The following PPP2R5A variants were observed in gnomAD, a reference collection of about 807,000 sequenced individuals.
PPP2R5A encodes protein phosphatase 2 regulatory subunit B'alpha, also known as serine/threonine-protein phosphatase 2A 56 kDa regulatory subunit alpha isoform.
In PPP2R5A, 25 loss-of-function variants were observed where a neutral mutation model predicts 64.2. The ratio of observed to expected loss-of-function variants is 0.39; its 90% CI spans 0.28 to 0.54. PPP2R5A has a LOEUF of 0.54. Among genes scored for constraint, PPP2R5A ranks in the 20% least tolerant of loss-of-function variants. The pLI is 0.67. For missense variants in PPP2R5A, 425 were observed against 576.3 expected (o/e 0.74, Z 2.69); for synonymous variants, 198 against 201.2 (o/e 0.98, Z 0.13).
chr1:212,320,105 T>C (rs1024324535), intron 1 of PPP2R5A, among the ~76,000 whole-genome samples: 1 of 151,806 alleles, frequency 6.6e-6, no homozygotes, highest in African/African-American at 2.4e-5. Flanking sequence ...TTCCGCAGTG[T>C]TTGTGTCCCT....
chr1:212,296,227 A>T (rs993247521), intron 1 of PPP2R5A, among the ~76,000 whole-genome samples: 1 of 151,708 alleles, frequency 6.6e-6, no homozygotes. Context: ...AGTACACTGG[A>T]GGGGGAATCA....
In PPP2R5A at chr1:212,348,377, T is replaced by C; in HGVS notation, c.765-12T>C. 1 of 1,562,146 alleles carries C rather than the reference T, an allele frequency of 6.4e-7. No individual in the cohort carries two copies. Among genetic ancestry groups the C allele is most frequent in the Non-Finnish European group, 8.8e-7 (1 of 1,134,570 alleles). ...ACTACTTAACCCTTCCCCTGCCTTT[T>C]TTTCCCTCCAGTATTATCAATGGCT... On this transcript the variant is annotated splice_polypyrimidine_tract_variant and intron_variant, in intron 6 of 12. Transcript: ENST00000261461.
At chr1:212,351,911 C>A (rs576477208) in intron 8 of PPP2R5A, among the ~76,000 whole-genome samples, 1 of 151,890 alleles carries the variant, frequency 6.6e-6, no homozygotes, top group East Asian at 1.9e-4. Flanking sequence ...AAACAAAACA[C>A]CGTTCTTATT....
chr1:212,345,948 T>C lies in PPP2R5A; in HGVS notation c.704+15T>C. ...ATTTTCCTCAGGTAAATTAATCATT[T>C]ATTGTATATTGCACCTTTTCCTCCT... On this transcript the variant is annotated intron_variant, in intron 5 of 12. Transcript: ENST00000261461. 6.4e-7 allele frequency: 1 copy of C among 1,570,294 alleles called. No individual in the cohort carries two copies. The highest frequency in any genetic ancestry group is 1.2e-5 in the South Asian group (1 of 86,158).
chr1:212,348,332 C>T (rs1221951569), intron 6 of PPP2R5A, 57 bp from the exon 7 acceptor site: 6 of 1,121,810 alleles, frequency 5.3e-6, no homozygotes, highest in African/African-American at 3.1e-5. Flanking sequence ...GATATGACAG[C>T]TTTTAGAAAC....
chr1:212,287,660 A>C (rs1658527830), intron 1 of PPP2R5A, among the ~76,000 whole-genome samples: 1 of 152,158 alleles, frequency 6.6e-6, no homozygotes, highest in South Asian at 2.1e-4. Context: ...AATTGTTAAA[A>C]TTTACATAGC....
intron 1 of PPP2R5A, among the ~76,000 whole-genome samples, chr1:212,303,870 A>G (rs1345517137): frequency 2.0e-5 from 3 of 152,142 alleles, no homozygotes; most frequent in African/African-American, 2.4e-5. Flanking sequence ...TCTCAATTCT[A>G]TCCCATTGAT....
intron 1 of PPP2R5A, among the ~76,000 whole-genome samples, chr1:212,291,721 T>C (rs1172187426): frequency 8.5e-5 from 13 of 152,248 alleles, no homozygotes; most frequent in Admixed American, 8.5e-4. Context: ...GCTGCTTTCC[T>C]GAAGGGGAGA....
intron 3 of PPP2R5A, among the ~76,000 whole-genome samples, chr1:212,337,461 T>A (rs1659609724): frequency 6.6e-6 from 1 of 152,116 alleles, no homozygotes; most frequent in Non-Finnish European, 1.5e-5. Flanking sequence ...CTCTGGGCAA[T>A]ATAATTAGAA....
intron 1 of PPP2R5A, among the ~76,000 whole-genome samples, chr1:212,289,647 C>T (rs1658566702): frequency 6.6e-6 from 1 of 152,022 alleles, no homozygotes; most frequent in African/African-American, 2.4e-5. Flanking sequence ...GGGGATAATA[C>T]AAATCTCCCC....
intron 1 of PPP2R5A, chr1:212,302,096 T>C (rs776611647): frequency 1.8e-5 from 27 of 1,513,490 alleles, no homozygotes; most frequent in Non-Finnish European, 2.1e-5. Flanking sequence ...ATAATGAGTA[T>C]GTATATTAAG....
intron 11 of PPP2R5A, chr1:212,358,060 C>G (rs1356872880): frequency 6.6e-6 from 1 of 152,300 alleles, no homozygotes; most frequent in Non-Finnish European, 1.5e-5. Flanking sequence ...ACCTTGGCCT[C>G]CCAAAGTGCT....
chr1:212,295,162 A>G (rs149544209), intron 1 of PPP2R5A, among the ~76,000 whole-genome samples: 2 of 152,298 alleles, frequency 1.3e-5, no homozygotes, highest in Admixed American at 6.5e-5. Context: ...TGAAGAACGT[A>G]TTGGGAAATC....
At chr1:212,353,754 A>G (rs899604908) in intron 8 of PPP2R5A, among the ~76,000 whole-genome samples, 12 of 152,346 alleles carry the variant, frequency 7.9e-5, no homozygotes, top group Admixed American at 6.5e-4. Context: ...TCTAGTTCCA[A>G]AAAATAATTC....
In PPP2R5A at chr1:212,361,217, C is replaced by T. The variant is rs953845802; in HGVS notation, c.*447C>T. The T allele has an allele frequency of 6.5e-6, 1 of 152,740 alleles. No homozygotes were observed. The highest frequency in any genetic ancestry group is 2.4e-5 in the African/African-American group (1 of 41,416). 9.5% of individuals were successfully genotyped at this position (152,740 alleles called of 1,614,324 possible). On this transcript the variant is annotated 3_prime_UTR_variant, in exon 13 of 13. Transcript: ENST00000261461. ...TCCTAAAATAAAACTAAGGTATCAT[C>T]CTTACCCTTCTCTTTGTCTCACCCA...
At chr1:212,356,199 A>G (rs1320967129) in intron 8 of PPP2R5A, among the ~76,000 whole-genome samples, 1 of 152,184 alleles carries the variant, frequency 6.6e-6, no homozygotes, top group African/African-American at 2.4e-5. Flanking sequence ...AATAACAGGA[A>G]TCATCTGTTC....
chr1:212,336,848 A>T (rs1026251956), intron 3 of PPP2R5A, among the ~76,000 whole-genome samples: 1 of 152,204 alleles, frequency 6.6e-6, no homozygotes, highest in African/African-American at 2.4e-5. Flanking sequence ...TTTACGTTTT[A>T]CATTTAGCTT....
intron 8 of PPP2R5A, among the ~76,000 whole-genome samples, chr1:212,352,502 T>A (rs1571611873): frequency 1.3e-5 from 2 of 151,244 alleles, no homozygotes; most frequent in South Asian, 4.2e-4. Flanking sequence ...CAGGATGGAG[T>A]GCAGTAGTAC....
intron 3 of PPP2R5A, among the ~76,000 whole-genome samples, chr1:212,341,636 A>G (rs1214715680): frequency 6.6e-6 from 1 of 152,200 alleles, no homozygotes; most frequent in Non-Finnish European, 1.5e-5. Context: ...CTGTAATTTA[A>G]CGTTTTGCAT....
Sources: gnomAD v4.1 joint callset for allele counts (sites outside exome capture counted in the v4.1 genomes callset) on GRCh38, gnomAD v4.1.1 for gene constraint, MANE v1.5 for transcripts, NCBI Gene and HGNC (gene_info 2026-07-23, HGNC 2026-07-21) for gene names.